IRX4: variants seen among roughly 807,000 people sequenced by gnomAD.
IRX4 encodes the protein iroquois homeobox 4.
A neutral mutation model predicts 32.0 loss-of-function variants in IRX4; 22 were observed. The ratio of observed to expected loss-of-function variants is 0.69; its 90% CI spans 0.49 to 0.98. The LOEUF (loss-of-function observed/expected upper bound fraction) is 0.98. Among genes scored for constraint, IRX4 ranks in the 50% least tolerant of loss-of-function variants. The pLI is 0.00. For synonymous variants in IRX4, 379 were observed against 351.7 expected, an observed-to-expected ratio of 1.08 and a Z score of -0.87; for missense variants, 840 against 744.2, an observed-to-expected ratio of 1.13 and a Z score of -1.50.
In IRX4 at chr5:1,882,004, A is replaced by G. The variant is rs975714128; in HGVS notation, c.101T>C (p.Leu34Pro). The G allele has an allele frequency of 3.2e-6, 5 of 1,548,088 alleles. No homozygotes were observed. In the African/African-American group the frequency reaches 4.1e-5, roughly 13 times the overall value. Residue 34 changes from leucine to proline, a missense_variant, in exon 2 of 5, where the codon CTG (leucine) becomes CCG (proline). Physicochemically the swap from Leu to Pro is moderately conservative, Grantham distance 98. Transcript: ENST00000231357. ...STCCESGGRT[L>P]ADSGPAASAQ... ...CGAGGCGGCGGGCCCGGAGTCCGCC[A>G]GCGTGCGGCCTCCGGACTCGCAGCA...
chr5:1,879,400 A>C lies in IRX4; in HGVS notation c.736+104T>G, dbSNP rs879153057. The C allele has an allele frequency of 1.9e-6, 3 of 1,553,346 alleles. No individual in the cohort carries two copies. In the South Asian group the frequency reaches 3.5e-5, roughly 18 times the overall value. ...CGGTTTGCACGGTGACCGCCTAGGC[A>C]TGGGGCTCGGCGTTTGGGACCCCCA... On this transcript the variant is annotated intron_variant, in intron 4 of 4. Coordinates refer to ENST00000231357, the MANE Select transcript of IRX4 (RefSeq NM_016358.3).
chr5:1,882,177 C>A, intron 1 of IRX4, 118 bp from the exon 2 acceptor site: 1 of 1,217,032 alleles, frequency 8.2e-7, no homozygotes. Flanking sequence ...GGGCCTCCCG[C>A]CGTCCACACC....
rs761929692 is a variant in IRX4 at position 1,882,072 on chromosome 5, G to A, written c.46-13C>T. On this transcript the variant is annotated splice_polypyrimidine_tract_variant and intron_variant, in intron 1 of 4. Coordinates refer to ENST00000231357, the MANE Select transcript of IRX4 (RefSeq NM_016358.3). ...TGGCCATCAAGAACTGCAGAGAGAG[G>A]CCGCGAGGACTGGCGGGAAGCCGGG... 2 of 1,548,946 alleles carry A rather than the reference G, an allele frequency of 1.3e-6. No individual in the cohort carries two copies. Among genetic ancestry groups the A allele is most frequent in the Non-Finnish European group, 1.7e-6 (2 of 1,148,848 alleles).
upstream of IRX4, chr5:1,884,095 AGGC>A (rs1561140499): frequency 6.6e-6 from 1 of 151,624 alleles, no homozygotes; most frequent in Non-Finnish European, 1.5e-5. Context: ...GCCAGTGAGC[AGGC>A]GGCAAGGGGG....
chr5:1,877,843 G>GC lies in IRX4; in HGVS notation c.*125dup. ...TGTTCCCAGGAGTCCAAGTTCAGAA[G>GC]CCCCCTCTCCGGTGGGTTGGCGGCT... On this transcript the variant is annotated 3_prime_UTR_variant, in exon 5 of 5. Coordinates refer to ENST00000231357, the MANE Select transcript of IRX4 (RefSeq NM_016358.3). The GC allele has an allele frequency of 1.2e-6, 1 of 866,484 alleles. No homozygotes were observed. The highest frequency in any genetic ancestry group is 1.7e-5 in the South Asian group (1 of 58,172). The allele number at this position is 866,484 out of a possible 1,614,324, so 53.7% of individuals were successfully genotyped here. A position where few individuals can be genotyped will look rare whatever the true frequency, so the allele number is the denominator to read the frequency against.
upstream of IRX4, among the ~76,000 whole-genome samples, chr5:1,886,161 C>T (rs1735623091): frequency 6.6e-6 from 1 of 152,286 alleles, no homozygotes; most frequent in Admixed American, 6.5e-5. Flanking sequence ...CATGGAAGGC[C>T]TCCGGGGAGA....
chr5:1,885,962 C>T (rs1395556440), upstream of IRX4, among the ~76,000 whole-genome samples: 2 of 152,028 alleles, frequency 1.3e-5, no homozygotes, highest in Non-Finnish European at 2.9e-5. Flanking sequence ...CAGAAGTCAG[C>T]CGGCTCCCGG....
upstream of IRX4, chr5:1,884,518 G>C (rs1303961961): frequency 6.6e-6 from 1 of 152,234 alleles, no homozygotes; most frequent in South Asian, 2.1e-4. Context: ...GGACCGGAGC[G>C]GGCCACGTCC....
chr5:1,886,630 C>T (rs1304478682), upstream of IRX4, among the ~76,000 whole-genome samples: 1 of 152,146 alleles, frequency 6.6e-6, no homozygotes, highest in Admixed American at 6.5e-5. Context: ...CCGCCGCTTG[C>T]TCCCTGGGTA....
At position 1,878,425 on chromosome 5, in the gene IRX4, G is replaced by T. The variant is rs774491492; in HGVS notation, c.1104C>A (p.Ile368=). 7 of 1,517,214 alleles carry T rather than the reference G, an allele frequency of 4.6e-6. No individual in the cohort carries two copies. In the South Asian group the frequency reaches 7.4e-5, roughly 16 times the overall value. 94.0% of individuals were successfully genotyped at this position (1,517,214 alleles called of 1,614,324 possible). A position where few individuals can be genotyped will look rare whatever the true frequency, so the allele number is the denominator to read the frequency against. ...CGGTGGCTGTGTGGGCCAGGGACCAGATGCGCGGCTTAGCCTCCAGGCCTG... is the reference window on the plus strand; with the variant it reads ...CGGTGGCTGTGTGGGCCAGGGACCATATGCGCGGCTTAGCCTCCAGGCCTG... The part of the protein sequence containing the change: ...ASAGLEAKPR[I]WSLAHTATAA... The change falls in exon 5 of 5, where the codon ATC becomes ATA. Residue 368 remains isoleucine, a synonymous_variant. Transcript: ENST00000231357.
At chr5:1,884,979 C>T (rs776267325), upstream of IRX4, among the ~76,000 whole-genome samples, 2 of 149,214 alleles carry the variant, frequency 1.3e-5, no homozygotes, top group East Asian at 3.9e-4. Flanking sequence ...TGAGCCCAGC[C>T]GGGCCAAGGG....
chr5:1,879,610 C>T lies in IRX4; in HGVS notation c.630G>A (p.Pro210=), dbSNP rs763072295. ...LKKENKMTWP[P]RNKCADEKRP... ...GCTTCTCGTCTGCGCACTTGTTCCG[C>T]GGCGGCCACGTCATCTTGTTCTCCT... Residue 210 remains proline, a synonymous_variant, in exon 4 of 5, where the codon CCG becomes CCA. Coordinates refer to ENST00000231357, the MANE Select transcript of IRX4 (RefSeq NM_016358.3). The T allele has an allele frequency of 5.0e-6, 8 of 1,614,028 alleles. No homozygotes were observed. The East Asian group carries it at 1.6e-4, about 31-fold the overall frequency.
intron 1 of IRX4, 29 bp downstream of exon 1, chr5:1,882,574 T>C: frequency 1.3e-6 from 2 of 1,497,038 alleles, no homozygotes; most frequent in Non-Finnish European, 1.8e-6. Context: ...GCACCTGCGG[T>C]GGCCTGGGCG....
Position 1,881,843 on chromosome 5 carries a change from T to A in IRX4, c.262A>T (p.Thr88Ser). ...AAGGCGGACGCCTCCGAGCCGTAGG[T>A]CACGTAGTTGCCATAGCCCTGCGAT... Reference protein sequence around the residue: ...GGSQGYGNYVTYGSEASAFYS... With the variant: ...GGSQGYGNYVSYGSEASAFYS... The change falls in exon 2 of 5, where the codon ACC (threonine) becomes TCC (serine). Residue 88 changes from threonine to serine, a missense_variant. Around this residue, in one of 3 missense-constraint regions of IRX4, gnomAD observed 241 missense variants for 220.8 expected, o/e 1.09. Coordinates refer to ENST00000231357, the MANE Select transcript of IRX4 (RefSeq NM_016358.3). 1 of 1,578,212 alleles carries A rather than the reference T, an allele frequency of 6.3e-7. No individual in the cohort carries two copies. Among genetic ancestry groups the A allele is most frequent in the South Asian group, 1.2e-5 (1 of 86,028 alleles).
rs979872311 is a variant in IRX4, at chr5:1,878,639, A to C, written c.890T>G (p.Val297Gly). The change falls in exon 5 of 5, where the codon GTC becomes GGC. Residue 297 changes from valine to glycine, a missense_variant. Coordinates refer to ENST00000231357, the MANE Select transcript of IRX4 (RefSeq NM_016358.3). ...ERVPAAPDGP[V>G]KEASGALRMS... ...CCGGAGCGCGCCTGAGGCCTCCTTG[A>C]CCGGGCCGTCGGGCGCGGCGGGGAC... 1 of 1,590,242 alleles carries C rather than the reference A, an allele frequency of 6.3e-7. No homozygotes were observed. Among genetic ancestry groups the C allele is most frequent in the Admixed American group, 1.8e-5 (1 of 57,070 alleles).
chr5:1,880,606 G>T lies in IRX4; in HGVS notation c.407+119C>A, dbSNP rs1027751632. On this transcript the variant is annotated intron_variant, in intron 3 of 4. Coordinates refer to ENST00000231357, the MANE Select transcript of IRX4 (RefSeq NM_016358.3). ...GACTCAGGTCATGCCTGACCTAAGA[G>T]TGTCTCTCTTCCTGCCTCCCGCCTT... The T allele has an allele frequency of 3.5e-5, 25 of 707,492 alleles. No homozygotes were observed. In the African/African-American group the frequency reaches 4.3e-4, roughly 12 times the overall value. The allele number at this position is 707,492 out of a possible 1,614,324, so 43.8% of individuals were successfully genotyped here. A position where few individuals can be genotyped will look rare whatever the true frequency, so the allele number is the denominator to read the frequency against.
In IRX4 at chr5:1,879,614, G is replaced by A. The variant is rs770961282; in HGVS notation, c.626C>T (p.Pro209Leu). 6.2e-7 allele frequency: 1 copy of A among 1,614,036 alleles called. No homozygotes were observed. The highest frequency in any genetic ancestry group is 2.2e-5 in the East Asian group (1 of 44,878). Residue 209 changes from proline to leucine, a missense_variant, in exon 4 of 5, where the codon CCG (proline) becomes CTG (leucine). By Grantham distance (98) the Pro-to-Leu change is moderately conservative. This residue lies in a region of IRX4 where 585 missense variants were observed against 488.0 expected (regional missense o/e 1.20). Transcript: ENST00000231357. ...CTCGTCTGCGCACTTGTTCCGCGGC[G>A]GCCACGTCATCTTGTTCTCCTTCTT... ...RLKKENKMTWPPRNKCADEKR... is the reference protein window; with the variant it reads ...RLKKENKMTWLPRNKCADEKR...
Position 1,878,467 on chromosome 5 carries a change from C to T in IRX4, c.1062G>A (p.Val354=). ...CCAGGCCTGCCGACGCCCCCGCCGG[C>T]ACAAACCCCAGCTTGGCCTCGCAGA... is the stretch of plus-strand genomic sequence containing the variant. ...PQVCEAKLGF[V]PAGASAGLEA... The change falls in exon 5 of 5, where the codon GTG becomes GTA. Residue 354 remains valine (V), a synonymous_variant. Transcript: ENST00000231357. 6.9e-7 allele frequency: 1 copy of T among 1,452,258 alleles called. No individual in the cohort carries two copies. The highest frequency in any genetic ancestry group is 9.0e-7 in the Non-Finnish European group (1 of 1,108,380). 90.0% of individuals were successfully genotyped at this position (1,452,258 alleles called of 1,614,324 possible). A position where few individuals can be genotyped will look rare whatever the true frequency, so the allele number is the denominator to read the frequency against.
intron 2 of IRX4, among the ~76,000 whole-genome samples, 188 bp downstream of exon 2, chr5:1,881,620 C>T (rs1002904484): frequency 6.8e-6 from 1 of 146,412 alleles, no homozygotes; most frequent in Non-Finnish European, 1.5e-5. Context: ...GCCGGGTCAT[C>T]TGTCCCAGGG....
Sources: allele counts gnomAD v4.1 joint callset (sites outside exome capture counted in the v4.1 genomes callset), GRCh38; gene constraint gnomAD v4.1.1; regional missense constraint gnomAD v4.1.1; transcripts MANE v1.5; gene names NCBI Gene and HGNC (gene_info 2026-07-23, HGNC 2026-07-21).